Variants in EPSTI1 observed in about 807,000 individuals in gnomAD.
EPSTI1 encodes epithelial stromal interaction 1, also known as epithelial-stromal interaction protein 1.
A neutral mutation model predicts 49.9 loss-of-function variants in EPSTI1; 66 were observed. The ratio of observed to expected loss-of-function variants is 1.32; its 90% CI spans 1.08 to 1.62. The LOEUF is 1.62. Among genes scored for constraint, EPSTI1 ranks in the 40% most tolerant of loss-of-function variants. The pLI, the probability that EPSTI1 is intolerant of heterozygous loss-of-function variation, is 0.00. For synonymous variants in EPSTI1, 137 were observed against 130.7 expected (o/e 1.05, Z -0.33); for missense variants, 394 against 365.5 (o/e 1.08, Z -0.64).
chr13:42,963,299 C>T lies in EPSTI1; in HGVS notation c.445G>A (p.Glu149Lys), dbSNP rs149953803. 296 of 1,613,746 alleles carry T rather than the reference C, an allele frequency of 1.8e-4. No homozygotes were observed. Among genetic ancestry groups the T allele is most frequent in the Non-Finnish European group, 1.9e-4 (219 of 1,179,902 alleles). The change falls in exon 5 of 11, where the codon GAA becomes AAA. Residue 149 changes from glutamate (E) to lysine (K), a missense_variant. Glu to Lys is a moderately conservative substitution (Grantham distance 56, BLOSUM62 1). Coordinates refer to ENST00000313624, the MANE Select transcript of EPSTI1 (RefSeq NM_033255.5). The part of the protein sequence containing the change: ...EESVRIKKEA[E>K]EAELQKMKAI... ...TTCATTTTTTGGAGTTCAGCTTCTT[C>T]AGCTTCCTTCTTGATTCTTACAGAT...
At chr13:42,902,147 G>GA (rs1446994448) in intron 8 of EPSTI1, among the ~76,000 whole-genome samples, 2 of 151,906 alleles carry the variant, frequency 1.3e-5, no homozygotes, top group Non-Finnish European at 2.9e-5. Context: ...ACCTACAATG[G>GA]AAAAAAGATT....
chr13:42,893,859 C>T (rs1173692935), intron 10 of EPSTI1, among the ~76,000 whole-genome samples: 1 of 152,184 alleles, frequency 6.6e-6, no homozygotes, highest in African/African-American at 2.4e-5. Flanking sequence ...CACAATGGCC[C>T]ATTTTCCACA....
At chr13:42,894,273 T>C (rs2037122962) in intron 10 of EPSTI1, among the ~76,000 whole-genome samples, 2 of 152,226 alleles carry the variant, frequency 1.3e-5, no homozygotes. Flanking sequence ...TTGTGACCAA[T>C]TTACAGATTT....
intron 1 of EPSTI1, among the ~76,000 whole-genome samples, chr13:42,983,784 C>T (rs923186717): frequency 3.3e-5 from 5 of 151,984 alleles, no homozygotes; most frequent in Admixed American, 6.5e-5. Context: ...TAGCAAATGG[C>T]TTATCATGAA....
At position 42,988,412 on chromosome 13, in the gene EPSTI1, T is replaced by C. The variant is rs1201860822; in HGVS notation, c.188+3566A>G. Among the ~76,000 whole-genome samples, 4 of 152,210 alleles carry C rather than the reference T, an allele frequency of 2.6e-5. 1 individual carries two copies. In the South Asian group the frequency reaches 6.2e-4, roughly 24 times the overall value. ...GCCAGTATGAATTAGTAAATACTTA[T>C]AATAACTTAAATCCAAATTCCATCA... On this transcript the variant is annotated intron_variant, in intron 1 of 10. Coordinates refer to ENST00000313624, the MANE Select transcript of EPSTI1 (RefSeq NM_033255.5).
chr13:42,896,008 C>T (rs1314471560), intron 9 of EPSTI1, among the ~76,000 whole-genome samples: 1 of 152,258 alleles, frequency 6.6e-6, no homozygotes, highest in East Asian at 1.9e-4. Flanking sequence ...TGAGTGGCTA[C>T]AGGCCAGTGA....
Position 42,894,182 on chromosome 13 carries a change from T to C in EPSTI1, c.915+827A>G, listed in dbSNP as rs139219076. ...TAACAGATTGACTTCTCAAACATGA[T>C]CTTTTGTCTGTCAAGTATTTATTAA... is the stretch of plus-strand genomic sequence containing the variant. On this transcript the variant is annotated intron_variant, in intron 10 of 10. Transcript: ENST00000313624. Among the ~76,000 whole-genome samples the C allele has an allele frequency of 4.6e-5, 7 of 152,346 alleles. No individual in the cohort carries two copies. The East Asian group carries it at 1.2e-3, about 25-fold the overall frequency.
chr13:42,960,806 G>A (rs2039425461), intron 5 of EPSTI1, among the ~76,000 whole-genome samples: 1 of 152,100 alleles, frequency 6.6e-6, no homozygotes, highest in Non-Finnish European at 1.5e-5. Context: ...AGCAGTGGTG[G>A]GCTGAGTCTT....
chr13:42,896,982 C>A (rs1276758675), intron 9 of EPSTI1, among the ~76,000 whole-genome samples: 2 of 152,004 alleles, frequency 1.3e-5, no homozygotes. Context: ...CACCTATAGT[C>A]CCAGCTACTC....
chr13:42,889,182 A>C (rs759295083), intron 10 of EPSTI1: 94 of 1,549,988 alleles, frequency 6.1e-5, no homozygotes, highest in Non-Finnish European at 7.9e-5. Context: ...AGGAAATATT[A>C]TTTAAAGGGA....
At chr13:42,967,864 A>C (rs2039663131) in intron 3 of EPSTI1, among the ~76,000 whole-genome samples, 1 of 152,186 alleles carries the variant, frequency 6.6e-6, no homozygotes, top group African/African-American at 2.4e-5. Flanking sequence ...GAATCTGGGA[A>C]CAGAGCCATG....
At chr13:42,951,487 CA>C (rs2039094427) in intron 6 of EPSTI1, among the ~76,000 whole-genome samples, 1 of 152,156 alleles carries the variant, frequency 6.6e-6, no homozygotes, top group African/African-American at 2.4e-5. Flanking sequence ...TTACAATAAG[CA>C]GAAGAAAGAG....
intron 6 of EPSTI1, among the ~76,000 whole-genome samples, chr13:42,947,792 T>A (rs2153427226): frequency 6.6e-6 from 1 of 152,352 alleles, no homozygotes; most frequent in East Asian, 1.9e-4. Context: ...AAATGTGGCT[T>A]ATCTCCTACT....
chr13:42,937,849 C>T (rs541362155), intron 6 of EPSTI1, among the ~76,000 whole-genome samples: 2 of 152,260 alleles, frequency 1.3e-5, no homozygotes, highest in South Asian at 2.1e-4. Flanking sequence ...TTGATGGCAT[C>T]TAGAATGGTA....
chr13:42,921,666 C>T (rs987443817), intron 7 of EPSTI1, among the ~76,000 whole-genome samples: 7 of 152,090 alleles, frequency 4.6e-5, no homozygotes, highest in Non-Finnish European at 5.9e-5. Flanking sequence ...AACCCTGAAG[C>T]CCAGGTCACA....
chr13:42,967,522 T>G lies in EPSTI1; in HGVS notation c.331+1572A>C, dbSNP rs2039653732. Among the ~76,000 whole-genome samples the G allele has an allele frequency of 2.0e-5, 3 of 152,336 alleles. No homozygotes were observed. The South Asian group carries it at 6.2e-4, about 32-fold the overall frequency. On this transcript the variant is annotated intron_variant, in intron 3 of 10. Transcript: ENST00000313624. The stretch of plus-strand genomic sequence containing the variant: ...ACAAGTATTTCCTGTACTTTTAATG[T>G]GATTCTCATGAAAGAGAATGCCAAC...
At chr13:42,898,542 T>C (rs1358623317) in intron 9 of EPSTI1, among the ~76,000 whole-genome samples, 1 of 152,188 alleles carries the variant, frequency 6.6e-6, no homozygotes, top group Non-Finnish European at 1.5e-5. Flanking sequence ...AATTTGGAGC[T>C]ATACATTTAT....
intron 6 of EPSTI1, among the ~76,000 whole-genome samples, chr13:42,927,734 GT>G (rs1306335464): frequency 6.6e-6 from 1 of 152,224 alleles, no homozygotes; most frequent in Non-Finnish European, 1.5e-5. Flanking sequence ...ACATTCAGCA[GT>G]TGAGACGAGC....
chr13:42,955,507 A>G (rs1045759329), intron 5 of EPSTI1, among the ~76,000 whole-genome samples: 1 of 152,178 alleles, frequency 6.6e-6, no homozygotes, highest in Non-Finnish European at 1.5e-5. Flanking sequence ...TTATCCAACA[A>G]AAGTCTGTTT....
Sources: allele counts gnomAD v4.1 joint callset (sites outside exome capture counted in the v4.1 genomes callset), GRCh38; gene constraint gnomAD v4.1.1; transcripts MANE v1.5; gene names NCBI Gene and HGNC (gene_info 2026-07-23, HGNC 2026-07-21).